The following NALCN variants were observed in gnomAD, a reference collection of about 807,000 sequenced individuals.
The protein encoded by NALCN is sodium leak channel NALCN.
NALCN carries 111 observed loss-of-function variants against 225.3 expected under a neutral mutation model. That is an observed-to-expected ratio of 0.49 (90% CI 0.42 to 0.58). The LOEUF (loss-of-function observed/expected upper bound fraction) is 0.58, where lower values mean the gene tolerates loss of function less well. Ranked by LOEUF, NALCN falls within the 20% of genes least tolerant of loss-of-function variation. The pLI is 0.00. For missense variants in NALCN, 1,378 were observed against 2,202.4 expected (o/e 0.63, Z 7.49); for synonymous variants, 764 against 769.0 (o/e 0.99, Z 0.11).
At chr13:101,168,868 ACT>A (rs2038580170) in intron 15 of NALCN, among the ~76,000 whole-genome samples, 1 of 151,856 alleles carries the variant, frequency 6.6e-6, no homozygotes, top group Non-Finnish European at 1.5e-5. Flanking sequence ...CGAGAAAGCC[ACT>A]CTGTTTTTTT....
At chr13:101,129,912 C>T (rs1250110128) in intron 17 of NALCN, among the ~76,000 whole-genome samples, 2 of 151,508 alleles carry the variant, frequency 1.3e-5, no homozygotes, top group South Asian at 2.1e-4. Flanking sequence ...ATGTTCCCCT[C>T]CCTGTGCCCA....
At chr13:101,305,758 A>G (rs1237250915) in intron 7 of NALCN, among the ~76,000 whole-genome samples, 2 of 152,196 alleles carry the variant, frequency 1.3e-5, no homozygotes, top group African/African-American at 4.8e-5. Flanking sequence ...CAAATTTTAA[A>G]GTTTAAAGTT....
chr13:101,198,424 T>G (rs1327323445), intron 13 of NALCN, among the ~76,000 whole-genome samples: 1 of 152,042 alleles, frequency 6.6e-6, no homozygotes, highest in African/African-American at 2.4e-5. Flanking sequence ...GAATCTACAA[T>G]GAACTCAAAC....
At position 101,071,026 on chromosome 13, in the gene NALCN, G is replaced by A. The variant is rs145104292; in HGVS notation, c.4198-2199C>T. On this transcript the variant is annotated intron_variant, in intron 37 of 43. Transcript: ENST00000251127. The stretch of plus-strand genomic sequence containing the variant: ...TTATAAAACCATCAGATCTCATGAC[G>A]GCTATAGTGAGAACTCACTCAGTAT... Among the ~76,000 whole-genome samples, 344 of 152,252 alleles carry A rather than the reference G, an allele frequency of 2.3e-3. 9 individuals carry two copies. The South Asian group carries it at 0.043, about 19-fold the overall frequency.
chr13:101,060,563 T>C (rs1357440433), intron 41 of NALCN, among the ~76,000 whole-genome samples: 2 of 151,312 alleles, frequency 1.3e-5, no homozygotes, highest in Admixed American at 6.6e-5. Context: ...TGTGCTGGGA[T>C]TACAGGCATG....
chr13:101,095,197 A>C (rs1415502714), intron 28 of NALCN, among the ~76,000 whole-genome samples: 1 of 152,216 alleles, frequency 6.6e-6, no homozygotes, highest in East Asian at 1.9e-4. Flanking sequence ...TTAGGGTTCT[A>C]TTATGAGGAC....
At chr13:101,401,324 A>T (rs1386397346) in intron 1 of NALCN, among the ~76,000 whole-genome samples, 6 of 152,160 alleles carry the variant, frequency 3.9e-5, no homozygotes, top group Non-Finnish European at 7.3e-5. Context: ...GTAGTGGGGA[A>T]GGAAATCTGG....
chr13:101,146,447 G>A (rs2037348295), intron 15 of NALCN, among the ~76,000 whole-genome samples: 1 of 152,180 alleles, frequency 6.6e-6, no homozygotes, highest in African/African-American at 2.4e-5. Flanking sequence ...ACAAAAAGTA[G>A]TAGCATCTCT....
At chr13:101,125,692 C>T (rs1395555386) in intron 17 of NALCN, among the ~76,000 whole-genome samples, 2 of 152,170 alleles carry the variant, frequency 1.3e-5, no homozygotes, top group Non-Finnish European at 2.9e-5. Flanking sequence ...CTGGAGCTCT[C>T]TGCGGTGGAA....
intron 27 of NALCN, among the ~76,000 whole-genome samples, chr13:101,096,368 A>G (rs1004804872): frequency 1.6e-4 from 25 of 152,372 alleles, no homozygotes; most frequent in African/African-American, 5.8e-4. Flanking sequence ...GTCCAACCAT[A>G]CAAGTGAATA....
intron 6 of NALCN, among the ~76,000 whole-genome samples, chr13:101,352,559 T>C (rs546344553): frequency 6.6e-5 from 10 of 152,186 alleles, no homozygotes; most frequent in African/African-American, 4.8e-5. Context: ...CAAGCAGTTG[T>C]TATCATACAA....
rs141231830 is a variant in NALCN, at chr13:101,079,269, T to C, written c.3885+2258A>G. Among the ~76,000 whole-genome samples, 20 of 152,378 alleles carry C rather than the reference T, an allele frequency of 1.3e-4. No homozygotes were observed. In the East Asian group the frequency reaches 3.9e-3, roughly 29 times the overall value. ...ATGTTAGCTAAAGATCTATTGCAGA[T>C]ACCTTCCCTCTTTATGTTTTGGAAG... On this transcript the variant is annotated intron_variant, in intron 34 of 43. Coordinates refer to ENST00000251127, the MANE Select transcript of NALCN (RefSeq NM_052867.4).
At chr13:101,134,197 T>A (rs1266575751) in intron 17 of NALCN, among the ~76,000 whole-genome samples, 3 of 151,896 alleles carry the variant, frequency 2.0e-5, no homozygotes, top group Non-Finnish European at 4.4e-5. Flanking sequence ...AAAAAAAAGA[T>A]TTCCTATTGT....
At chr13:101,246,191 A>G (rs1223992537) in intron 11 of NALCN, among the ~76,000 whole-genome samples, 1 of 152,190 alleles carries the variant, frequency 6.6e-6, no homozygotes, top group African/African-American at 2.4e-5. Flanking sequence ...ACCAGTAACA[A>G]CAGCAGAGTT....
chr13:101,178,954 G>A (rs532897413), intron 14 of NALCN, among the ~76,000 whole-genome samples: 2 of 152,272 alleles, frequency 1.3e-5, no homozygotes, highest in South Asian at 4.1e-4. Context: ...GAGAGGTTTC[G>A]TGGGTTGGCA....
chr13:101,300,012 T>C (rs1022981747), intron 7 of NALCN, among the ~76,000 whole-genome samples: 2 of 150,750 alleles, frequency 1.3e-5, no homozygotes, highest in African/African-American at 4.9e-5. Flanking sequence ...GTATTTAGTG[T>C]GACATAATTA....
At chr13:101,232,169 A>G (rs1324959976) in intron 12 of NALCN, among the ~76,000 whole-genome samples, 1 of 151,970 alleles carries the variant, frequency 6.6e-6, no homozygotes, top group Non-Finnish European at 1.5e-5. Context: ...CCCTGACACC[A>G]TATCGGCCTC....
At chr13:101,387,012 G>A (rs530840103) in intron 3 of NALCN, among the ~76,000 whole-genome samples, 7 of 151,620 alleles carry the variant, frequency 4.6e-5, no homozygotes, top group African/African-American at 1.7e-4. Context: ...ATGAGGTCAG[G>A]AGATCGAGAC....
At chr13:101,153,968 C>G (rs748659445) in intron 15 of NALCN, among the ~76,000 whole-genome samples, 1 of 152,174 alleles carries the variant, frequency 6.6e-6, no homozygotes, top group African/African-American at 2.4e-5. Flanking sequence ...AGGGATGTCA[C>G]ATGAAGATAC....
Sources: allele counts gnomAD v4.1 joint callset (sites outside exome capture counted in the v4.1 genomes callset), GRCh38; gene constraint gnomAD v4.1.1; transcripts MANE v1.5; gene names NCBI Gene and HGNC (gene_info 2026-07-23, HGNC 2026-07-21).